The following MAPK6 variants were observed in gnomAD, a reference collection of about 807,000 sequenced individuals.
MAPK6 encodes mitogen-activated protein kinase 6.
In MAPK6, 19 loss-of-function variants were observed where a neutral mutation model predicts 59.3. The observed-to-expected ratio is 0.32, with a 90% CI of 0.22 to 0.47. The LOEUF (loss-of-function observed/expected upper bound fraction) is 0.47, where lower values mean the gene tolerates loss of function less well. MAPK6 is among the 20% of genes least tolerant of loss of function. The pLI, the probability that MAPK6 is intolerant of heterozygous loss-of-function variation, is 1.00. For missense variants in MAPK6, 724 were observed against 847.9 expected (o/e 0.85, Z 1.81); for synonymous variants, 316 against 290.3 (o/e 1.09, Z -0.90).
At chr15:52,016,106 AC>A (rs1201441304), upstream of MAPK6, among the ~76,000 whole-genome samples, 51 of 144,122 alleles carry the variant, frequency 3.5e-4, 1 homozygote, top group African/African-American at 1.3e-3. Flanking sequence ...ACACACACAC[AC>A]AAACTAAAAC....
chr15:51,983,829 AAGAC>A (rs1254087069), intron 2 of MAPK6, among the ~76,000 whole-genome samples: 4 of 152,152 alleles, frequency 2.6e-5, no homozygotes, highest in African/African-American at 9.7e-5. Flanking sequence ...AAATAATAAT[AAGAC>A]AGCCTTTTGA....
chr15:52,016,070 GCACACA>G (rs1175427042), upstream of MAPK6, among the ~76,000 whole-genome samples: 44 of 55,434 alleles, frequency 7.9e-4, no homozygotes, highest in East Asian at 2.2e-3. Flanking sequence ...GCGCGCGCGC[GCACACA>G]CACACACACA....
rs530697697 is a variant in MAPK6, at chr15:52,034,318, C to T, written c.-631-11512C>T. The stretch of plus-strand genomic sequence containing the variant: ...GCTTTTAAGAATCATTCTTTTTTGT[C>T]GTTCGTTTTTTTTTTGAGACAGTCT... On this transcript the variant is annotated intron_variant, in intron 1 of 5. Coordinates refer to ENST00000261845, the MANE Select transcript of MAPK6 (RefSeq NM_002748.4). Among the ~76,000 whole-genome samples the T allele has an allele frequency of 1.8e-4, 27 of 150,182 alleles. 1 individual carries two copies. In the South Asian group the frequency reaches 4.6e-3, roughly 26 times the overall value.
At position 52,020,007 on chromosome 15, in the gene MAPK6, A is replaced by G. The variant is rs571287992; in HGVS notation, c.-632+631A>G. The G allele has an allele frequency of 7.9e-5, 12 of 152,590 alleles. No individual in the cohort carries two copies. In the South Asian group the frequency reaches 2.5e-3, roughly 32 times the overall value. 9.5% of individuals were successfully genotyped at this position (152,590 alleles called of 1,614,324 possible). On this transcript the variant is annotated intron_variant, in intron 1 of 5. Transcript: ENST00000261845. ...CGTCTCAGAGCCCTGAAGTCCGCCCAAGTTTTGAGTCTTGCCATGAATGAG... is the reference window on the plus strand; with the variant it reads ...CGTCTCAGAGCCCTGAAGTCCGCCCGAGTTTTGAGTCTTGCCATGAATGAG...
chr15:52,007,953 T>C (rs2029947290), intron 3 of MAPK6, among the ~76,000 whole-genome samples: 1 of 151,834 alleles, frequency 6.6e-6, no homozygotes, highest in Non-Finnish European at 1.5e-5. Context: ...TTTAAGTGAT[T>C]CTCCTGCCTC....
rs777694069 is a variant in MAPK6, at chr15:52,064,062, C to T, written c.1228C>T (p.Leu410=). ...TTTGGATGGAGATCGGGAAAAGTAT[C>T]TGGAGGATCCTGCTTTTGATACCAA... ...KYLDGDREKY[L]EDPAFDTNYS... Residue 410 remains leucine, a synonymous_variant, in exon 6 of 6, where the codon CTG becomes TTG. Transcript: ENST00000261845. 6.2e-7 allele frequency: 1 copy of T among 1,613,288 alleles called. No homozygotes were observed. Among genetic ancestry groups the T allele is most frequent in the South Asian group, 1.1e-5 (1 of 90,942 alleles).
chr15:52,055,992 T>A (rs376660284), intron 3 of MAPK6, among the ~76,000 whole-genome samples: 20 of 152,354 alleles, frequency 1.3e-4, no homozygotes, highest in African/African-American at 4.8e-4. Context: ...TTGTTTCTAG[T>A]TGCCAGGTGC....
intron 5 of MAPK6, among the ~76,000 whole-genome samples, chr15:52,062,985 A>G (rs1228649490): frequency 6.6e-6 from 1 of 152,108 alleles, no homozygotes; most frequent in African/African-American, 2.4e-5. Context: ...CCCCTCCTCA[A>G]ATGTTGATGT....
At chr15:52,015,564 G>A (rs1157911269), upstream of MAPK6, among the ~76,000 whole-genome samples, 1 of 149,410 alleles carries the variant, frequency 6.7e-6, no homozygotes, top group African/African-American at 2.5e-5. Context: ...TGCAGCCTCC[G>A]CCTCCCGGGT....
In MAPK6 at chr15:52,061,337, A is replaced by C; in HGVS notation, c.904A>C (p.Met302Leu). The C allele has an allele frequency of 6.2e-7, 1 of 1,614,130 alleles. No homozygotes were observed. Among genetic ancestry groups the C allele is most frequent in the East Asian group, 2.2e-5 (1 of 44,874 alleles). Residue 302 changes from methionine (M) to leucine (L), a missense_variant, in exon 5 of 6, where the codon ATG becomes CTG. Coordinates refer to ENST00000261845, the MANE Select transcript of MAPK6 (RefSeq NM_002748.4). The part of the protein sequence containing the change: ...FLEQILTFSP[M>L]DRLTAEEALS... Reference sequence around the variant, plus strand: ...GGAACAAATTTTGACATTTAGCCCCATGGATCGGTTAACAGCAGAAGAAGC... The same window carrying C: ...GGAACAAATTTTGACATTTAGCCCCCTGGATCGGTTAACAGCAGAAGAAGC...
At chr15:52,063,483 A>G (rs1298553893) in intron 5 of MAPK6, among the ~76,000 whole-genome samples, 1 of 151,980 alleles carries the variant, frequency 6.6e-6, no homozygotes, top group Admixed American at 6.6e-5. Context: ...GATTTTTGCT[A>G]TTCATGGTGA....
chr15:51,999,527 A>G (rs145892139), intron 2 of MAPK6, among the ~76,000 whole-genome samples: 3 of 152,288 alleles, frequency 2.0e-5, no homozygotes, highest in East Asian at 1.9e-4. Context: ...TCTGGCTAGT[A>G]GACTCTTATC....
chr15:52,043,040 G>A (rs1595994116), intron 1 of MAPK6, among the ~76,000 whole-genome samples: 1 of 152,066 alleles, frequency 6.6e-6, no homozygotes, highest in East Asian at 1.9e-4. Flanking sequence ...GCTGAGGTGG[G>A]AGGATTGCTT....
At chr15:52,001,869 A>T (rs1257150589) in intron 2 of MAPK6, among the ~76,000 whole-genome samples, 1 of 152,286 alleles carries the variant, frequency 6.6e-6, no homozygotes, top group East Asian at 1.9e-4. Flanking sequence ...GTCAAGAGGA[A>T]TCTGGGAATT....
At chr15:52,055,293 G>C (rs1271381809) in intron 3 of MAPK6, among the ~76,000 whole-genome samples, 1 of 152,190 alleles carries the variant, frequency 6.6e-6, no homozygotes, top group African/African-American at 2.4e-5. Flanking sequence ...TGTGGTCCCA[G>C]CTATTCAAGG....
Position 52,046,617 on chromosome 15 carries a change from C to A in MAPK6, c.157C>A (p.Leu53Ile). Reference protein sequence around the residue: ...DKRVAIKKIVLTDPQSVKHAL... With the variant: ...DKRVAIKKIVITDPQSVKHAL... ...AAGAGTAGCCATCAAGAAAATTGTC[C>A]TTACTGATCCCCAGAGTGTCAAACA... is the stretch of plus-strand genomic sequence containing the variant. The change falls in exon 2 of 6, where the codon CTT becomes ATT. Residue 53 changes from leucine (L) to isoleucine (I), a missense_variant. Coordinates refer to ENST00000261845, the MANE Select transcript of MAPK6 (RefSeq NM_002748.4). The A allele has an allele frequency of 6.2e-7, 1 of 1,614,150 alleles. No individual in the cohort carries two copies. The highest frequency in any genetic ancestry group is 2.2e-5 in the East Asian group (1 of 44,886).
At chr15:51,997,193 G>A (rs1238935066) in intron 2 of MAPK6, among the ~76,000 whole-genome samples, 2 of 151,606 alleles carry the variant, frequency 1.3e-5, no homozygotes, top group East Asian at 3.9e-4. Flanking sequence ...TGTTGGCCAG[G>A]CTGGTCTTGA....
chr15:52,008,434 GTA>G (rs1178661146), intron 3 of MAPK6, among the ~76,000 whole-genome samples: 1 of 152,144 alleles, frequency 6.6e-6, no homozygotes, highest in Non-Finnish European at 1.5e-5. Context: ...GGCTTACCTT[GTA>G]TTAATACTTA....
At chr15:52,054,729 T>TATAC (rs1555399916) in intron 3 of MAPK6, among the ~76,000 whole-genome samples, 2 of 147,134 alleles carry the variant, frequency 1.4e-5, no homozygotes, top group Admixed American at 6.8e-5. Flanking sequence ...CATATATCTA[T>TATAC]ACACACACAC....
Sources: gnomAD v4.1 joint callset for allele counts (sites outside exome capture counted in the v4.1 genomes callset) on GRCh38, gnomAD v4.1.1 for gene constraint, MANE v1.5 for transcripts, NCBI Gene and HGNC (gene_info 2026-07-23, HGNC 2026-07-21) for gene names.